Variants in LRBA observed in about 807,000 individuals in gnomAD.
LRBA encodes the protein lipopolysaccharide-responsive and beige-like anchor protein.
A neutral mutation model predicts 330.0 loss-of-function variants in LRBA; 176 were observed. The ratio of observed to expected loss-of-function variants is 0.53; its 90% CI spans 0.47 to 0.60. LRBA has a LOEUF of 0.60. LRBA is among the 20% of genes least tolerant of loss of function. The probability of loss-of-function intolerance (pLI) is 0.00; values close to 1 mark genes in which losing one functional copy is unlikely to be tolerated. For synonymous variants in LRBA, 1,230 were observed against 1,193.0 expected, an observed-to-expected ratio of 1.03 and a Z score of -0.64; for missense variants, 3,259 against 3,444.8, an observed-to-expected ratio of 0.95 and a Z score of 1.35.
chr4:150,623,489 T>C (rs935810347), intron 37 of LRBA, among the ~76,000 whole-genome samples: 1 of 152,116 alleles, frequency 6.6e-6, no homozygotes, highest in Non-Finnish European at 1.5e-5. Context: ...TAAAATAGCA[T>C]TGAATATAAG....
chr4:150,557,176 G>A (rs1767434622), intron 40 of LRBA, among the ~76,000 whole-genome samples: 1 of 151,988 alleles, frequency 6.6e-6, no homozygotes, highest in Non-Finnish European at 1.5e-5. Flanking sequence ...AAAAACATAA[G>A]AACAAGCTTG....
intron 37 of LRBA, among the ~76,000 whole-genome samples, chr4:150,606,439 C>T (rs1048581199): frequency 1.3e-5 from 2 of 152,004 alleles, no homozygotes; most frequent in Non-Finnish European, 2.9e-5. Flanking sequence ...TTGTTGAGTG[C>T]CAACTATGTA....
chr4:150,300,883 C>G (rs188112101), intron 53 of LRBA, among the ~76,000 whole-genome samples: 1 of 152,074 alleles, frequency 6.6e-6, no homozygotes, highest in East Asian at 1.9e-4. Context: ...TTTTAGAATA[C>G]ACATTGGTAA....
intron 47 of LRBA, among the ~76,000 whole-genome samples, chr4:150,371,780 C>G (rs1349676845): frequency 6.6e-6 from 1 of 152,070 alleles, no homozygotes; most frequent in Non-Finnish European, 1.5e-5. Flanking sequence ...AATTAACACT[C>G]AAGATACCAT....
chr4:150,458,824 G>C (rs1428129806), intron 44 of LRBA, among the ~76,000 whole-genome samples: 1 of 146,050 alleles, frequency 6.8e-6, no homozygotes, highest in African/African-American at 2.5e-5. Flanking sequence ...TTCATAAATT[G>C]CCTCTGTTTC....
intron 36 of LRBA, among the ~76,000 whole-genome samples, chr4:150,702,716 C>T (rs924786746): frequency 7.2e-5 from 11 of 152,084 alleles, no homozygotes; most frequent in Admixed American, 5.2e-4. Flanking sequence ...TTACAACTTA[C>T]GTGTAATTAA....
chr4:150,686,321 T>A (rs948664161), intron 36 of LRBA, among the ~76,000 whole-genome samples: 1 of 152,142 alleles, frequency 6.6e-6, no homozygotes, highest in Non-Finnish European at 1.5e-5. Flanking sequence ...GAATAACTCA[T>A]GAGAAATTAA....
chr4:151,015,119 A>G (rs999207193), intron 1 of LRBA, 83 bp downstream of exon 1: 6 of 153,704 alleles, frequency 3.9e-5, no homozygotes, highest in African/African-American at 1.5e-4. Context: ...CACTAGAAAG[A>G]GAAACTGTCG....
At chr4:150,472,272 T>C (rs946001164) in intron 42 of LRBA, among the ~76,000 whole-genome samples, 5 of 152,064 alleles carry the variant, frequency 3.3e-5, no homozygotes, top group African/African-American at 1.2e-4. Flanking sequence ...AATTTTCCTG[T>C]AGCCTCCTAA....
In LRBA at chr4:150,654,493, A is replaced by G. The variant is rs1015433951; in HGVS notation, c.5921+29058T>C. On this transcript the variant is annotated intron_variant, in intron 37 of 56. Transcript: ENST00000651943. The stretch of plus-strand genomic sequence containing the variant: ...CACGAGGCACTGTGCCCAGTCAAGA[A>G]GTCTATTTTCAATTCCTATCTCTCT... 3.3e-5 allele frequency among the ~76,000 whole-genome samples: 5 copies of G among 152,236 alleles called. No homozygotes were observed. In the South Asian group the frequency reaches 6.2e-4, roughly 19 times the overall value.
At chr4:150,872,777 A>ACT in intron 17 of LRBA, 22 bp from the exon 18 acceptor site, 1 of 1,280,704 alleles carries the variant, frequency 7.8e-7, no homozygotes, top group Non-Finnish European at 1.1e-6. Flanking sequence ...AAAATTTAAA[A>ACT]CAAACTATTT....
chr4:150,816,606 T>C (rs1744629949), intron 31 of LRBA, among the ~76,000 whole-genome samples: 1 of 151,914 alleles, frequency 6.6e-6, no homozygotes, highest in Admixed American at 6.6e-5. Context: ...AGTATGACCA[T>C]TGTTAGAATG....
At chr4:150,627,283 G>A (rs1274934125) in intron 37 of LRBA, among the ~76,000 whole-genome samples, 2 of 151,886 alleles carry the variant, frequency 1.3e-5, no homozygotes, top group Non-Finnish European at 2.9e-5. Flanking sequence ...ACTGTGTGCT[G>A]AAAATTAATA....
intron 34 of LRBA, among the ~76,000 whole-genome samples, chr4:150,769,563 T>C (rs953803902): frequency 2.6e-5 from 4 of 152,188 alleles, no homozygotes; most frequent in Admixed American, 6.5e-5. Context: ...AGAAATTCTC[T>C]CTACTGGGGG....
intron 35 of LRBA, among the ~76,000 whole-genome samples, chr4:150,749,571 C>CA (rs1733248228): frequency 6.6e-6 from 1 of 151,998 alleles, no homozygotes; most frequent in South Asian, 2.1e-4. Flanking sequence ...GCCTGGACAA[C>CA]ATAGCAAGTC....
At position 150,516,948 on chromosome 4, in the gene LRBA, A is replaced by G. The variant is rs192041658; in HGVS notation, c.6331-25913T>C. Reference sequence around the variant, plus strand: ...TTTTTCATAGTGACAAAAAAATGAAAATAAGACTTTGAAATCCAATGCAAA... The same window carrying G: ...TTTTTCATAGTGACAAAAAAATGAAGATAAGACTTTGAAATCCAATGCAAA... On this transcript the variant is annotated intron_variant, in intron 40 of 56. Transcript: ENST00000651943. 3.3e-3 allele frequency among the ~76,000 whole-genome samples: 510 copies of G among 152,364 alleles called. 8 individuals are homozygous for G. Among genetic ancestry groups the G allele is most frequent in the Non-Finnish European group, 2.0e-3 (137 of 68,040 alleles).
chr4:150,275,878 A>G (rs184852603), intron 56 of LRBA, among the ~76,000 whole-genome samples: 95 of 152,356 alleles, frequency 6.2e-4, no homozygotes, highest in Admixed American at 3.7e-3. Flanking sequence ...AGTCAATTCA[A>G]TGCTATCCCC....
At chr4:150,427,574 A>C (rs1749806248) in intron 46 of LRBA, among the ~76,000 whole-genome samples, 1 of 152,008 alleles carries the variant, frequency 6.6e-6, no homozygotes, top group South Asian at 2.1e-4. Context: ...GGCTGGCAAA[A>C]AACAGAAGGA....
chr4:150,507,215 T>C (rs979100663), intron 40 of LRBA, among the ~76,000 whole-genome samples: 12 of 151,840 alleles, frequency 7.9e-5, no homozygotes, highest in Non-Finnish European at 1.8e-4. Flanking sequence ...TTCACAGAAT[T>C]GGAAAAAACT....
Sources: gnomAD v4.1 joint callset for allele counts (sites outside exome capture counted in the v4.1 genomes callset) on GRCh38, gnomAD v4.1.1 for gene constraint, MANE v1.5 for transcripts, NCBI Gene and HGNC (gene_info 2026-07-23, HGNC 2026-07-21) for gene names.